The following CREB3L2 variants were observed in gnomAD, a reference collection of about 807,000 sequenced individuals.
CREB3L2 encodes the protein cyclic AMP-responsive element-binding protein 3-like protein 2.
In CREB3L2, 23 loss-of-function variants were observed where a neutral mutation model predicts 57.2. That is an observed-to-expected ratio of 0.40 (90% CI 0.29 to 0.57). CREB3L2 has a LOEUF of 0.57. Ranked by LOEUF, CREB3L2 falls within the 20% of genes least tolerant of loss-of-function variation. The pLI is 0.42. For synonymous variants in CREB3L2, 268 were observed against 265.1 expected (o/e 1.01, Z -0.11); for missense variants, 628 against 634.7 (o/e 0.99, Z 0.11).
intron 10 of CREB3L2, among the ~76,000 whole-genome samples, chr7:137,883,973 C>G (rs546803730): frequency 4.1e-5 from 6 of 145,976 alleles, no homozygotes; most frequent in Admixed American, 1.4e-4. Context: ...TTCTCTAGAT[C>G]TTGGGCATAA....
At chr7:137,949,302 C>G (rs1392828980) in intron 1 of CREB3L2, among the ~76,000 whole-genome samples, 1 of 152,206 alleles carries the variant, frequency 6.6e-6, no homozygotes, top group Non-Finnish European at 1.5e-5. Flanking sequence ...TAACTTCCCA[C>G]AGACGTTTAA....
At chr7:137,948,663 A>G (rs1231509981) in intron 1 of CREB3L2, among the ~76,000 whole-genome samples, 1 of 152,232 alleles carries the variant, frequency 6.6e-6, no homozygotes, top group Non-Finnish European at 1.5e-5. Flanking sequence ...TGGGCTCACC[A>G]TAAGACTTCT....
chr7:137,971,543 C>T (rs1336680440), intron 1 of CREB3L2, among the ~76,000 whole-genome samples: 1 of 152,006 alleles, frequency 6.6e-6, no homozygotes, highest in African/African-American at 2.4e-5. Context: ...CTTTTTGCGG[C>T]TAGGCTGTGA....
In CREB3L2 at chr7:137,915,837, C is replaced by T. The variant is rs139796301; in HGVS notation, c.495G>A (p.Gly165=). ...KEEPPLEMNT[G]VDSSCQTIIP... is the part of the protein sequence containing the mutation. The stretch of plus-strand genomic sequence containing the variant: ...TTAAACAGACGAAAATTGAGCATAC[C>T]CCAGTGTTCATTTCCAGAGGAGGTT... Residue 165 remains glycine, a splice_region_variant and synonymous_variant, in exon 3 of 12, where the codon GGG becomes GGA. Coordinates refer to ENST00000330387, the MANE Select transcript of CREB3L2 (RefSeq NM_194071.4). The T allele has an allele frequency of 3.7e-5, 60 of 1,613,066 alleles. No homozygotes were observed. Among genetic ancestry groups the T allele is most frequent in the Non-Finnish European group, 4.7e-5 (56 of 1,179,562 alleles).
chr7:137,959,927 T>C (rs185115975), intron 1 of CREB3L2, among the ~76,000 whole-genome samples: 1 of 152,300 alleles, frequency 6.6e-6, no homozygotes, highest in African/African-American at 2.4e-5. Context: ...TCTCTTCCCT[T>C]TATTTTTCAG....
chr7:137,942,371 C>G (rs1800894331), intron 1 of CREB3L2, among the ~76,000 whole-genome samples: 1 of 152,184 alleles, frequency 6.6e-6, no homozygotes, highest in African/African-American at 2.4e-5. Flanking sequence ...GGCGGATCTC[C>G]CCTGTCATTG....
intron 1 of CREB3L2, among the ~76,000 whole-genome samples, chr7:137,995,898 T>C (rs183153660): frequency 6.6e-6 from 1 of 152,350 alleles, no homozygotes; most frequent in Non-Finnish European, 1.5e-5. Flanking sequence ...ACTGTGCCTA[T>C]GTCTACCACC....
chr7:137,957,964 C>T (rs1195004874), intron 1 of CREB3L2: 6 of 361,154 alleles, frequency 1.7e-5, no homozygotes, highest in South Asian at 2.2e-5. Context: ...TTGTGTCTGG[C>T]GTGTTCCGTC....
At chr7:137,905,170 C>T (rs1340365863) in intron 6 of CREB3L2, among the ~76,000 whole-genome samples, 1 of 151,224 alleles carries the variant, frequency 6.6e-6, no homozygotes, top group Non-Finnish European at 1.5e-5. Context: ...GGGTAGGAGA[C>T]TACTGAGTCC....
rs1285013115 is a variant in CREB3L2 at position 137,928,155 on chromosome 7, T to C, written c.314A>G (p.Asn105Ser). Residue 105 changes from asparagine (N) to serine (S), a missense_variant, in exon 2 of 12, where the codon AAT becomes AGT. Physicochemically the swap from Asn to Ser is conservative, Grantham distance 46. Around this residue, in one of 3 missense-constraint regions of CREB3L2, gnomAD observed 339 missense variants for 355.4 expected, o/e 0.95. Transcript: ENST00000330387. Reference sequence around the variant, plus strand: ...TCCTCCTCCTCTGAGTTTACCGTCATTGAAGCTGTCACTGGTGGTAATGTG... The same window carrying C: ...TCCTCCTCCTCTGAGTTTACCGTCACTGAAGCTGTCACTGGTGGTAATGTG... ...FTHITTSDSF[N>S]DDEVESEKWY... 3 of 1,521,092 alleles carry C rather than the reference T, an allele frequency of 2.0e-6. No homozygotes were observed. Among genetic ancestry groups the C allele is most frequent in the Non-Finnish European group, 1.8e-6 (2 of 1,137,430 alleles). 94.2% of individuals were successfully genotyped at this position (1,521,092 alleles called of 1,614,324 possible).
intron 1 of CREB3L2, among the ~76,000 whole-genome samples, chr7:137,958,781 C>G (rs376076804): frequency 6.6e-6 from 1 of 152,182 alleles, no homozygotes; most frequent in African/African-American, 2.4e-5. Context: ...AGGTCACCAG[C>G]TAACACTTCC....
At chr7:137,948,025 G>T (rs1309163840) in intron 1 of CREB3L2, among the ~76,000 whole-genome samples, 2 of 152,100 alleles carry the variant, frequency 1.3e-5, no homozygotes, top group Non-Finnish European at 2.9e-5. Flanking sequence ...TCTGTTTCTG[G>T]CTCCCTGGAT....
intron 3 of CREB3L2, among the ~76,000 whole-genome samples, chr7:137,914,135 CT>C (rs1298152910): frequency 6.7e-6 from 1 of 150,234 alleles, no homozygotes. Flanking sequence ...TTATATATAA[CT>C]TTATTAATAT....
In CREB3L2 at chr7:137,954,168, A is replaced by C. The variant is rs564757276; in HGVS notation, c.103-25802T>G. Among the ~76,000 whole-genome samples, 9 of 152,274 alleles carry C rather than the reference A, an allele frequency of 5.9e-5. No individual in the cohort carries two copies. In the South Asian group the frequency reaches 1.9e-3, roughly 32 times the overall value. On this transcript the variant is annotated intron_variant, in intron 1 of 11. Coordinates refer to ENST00000330387, the MANE Select transcript of CREB3L2 (RefSeq NM_194071.4). The stretch of plus-strand genomic sequence containing the variant: ...TACCTGTCCTGTCTACGCATGAGGG[A>C]TAACTAAAATGACAACTGAAATTGT...
intron 1 of CREB3L2, among the ~76,000 whole-genome samples, chr7:137,953,039 A>G (rs1801134017): frequency 6.6e-6 from 1 of 152,066 alleles, no homozygotes; most frequent in Non-Finnish European, 1.5e-5. Flanking sequence ...CTGGTCTCGA[A>G]CTCCTGACCT....
intron 1 of CREB3L2, among the ~76,000 whole-genome samples, chr7:137,950,852 C>T (rs528405836): frequency 2.6e-5 from 4 of 152,264 alleles, no homozygotes; most frequent in Non-Finnish European, 5.9e-5. Context: ...GGAGGCTTTC[C>T]CTAGTTTCAA....
At chr7:137,976,937 C>A (rs887279405) in intron 1 of CREB3L2, among the ~76,000 whole-genome samples, 2 of 152,190 alleles carry the variant, frequency 1.3e-5, no homozygotes, top group African/African-American at 2.4e-5. Flanking sequence ...TCTTCTTGCA[C>A]GTACACACCC....
chr7:137,924,788 C>T (rs1030331174), intron 2 of CREB3L2, among the ~76,000 whole-genome samples: 1 of 152,040 alleles, frequency 6.6e-6, no homozygotes, highest in Non-Finnish European at 1.5e-5. Flanking sequence ...GAAGGCTGCA[C>T]CTACATTTCT....
At chr7:137,958,213 C>A (rs796887096) in intron 1 of CREB3L2, among the ~76,000 whole-genome samples, 4 of 152,204 alleles carry the variant, frequency 2.6e-5, no homozygotes, top group East Asian at 1.9e-4. Flanking sequence ...CAAGGCTATG[C>A]GTAACAAACT....
Sources: allele counts gnomAD v4.1 joint callset (sites outside exome capture counted in the v4.1 genomes callset), GRCh38; gene constraint gnomAD v4.1.1; regional missense constraint gnomAD v4.1.1; transcripts MANE v1.5; gene names NCBI Gene and HGNC (gene_info 2026-07-23, HGNC 2026-07-21).